The following TMC8 variants were observed in gnomAD, a reference collection of about 807,000 sequenced individuals.
The protein encoded by TMC8 is transmembrane channel like 8.
TMC8 carries 71 observed loss-of-function variants against 76.0 expected under a neutral mutation model. The ratio of observed to expected loss-of-function variants is 0.93; its 90% CI spans 0.77 to 1.14. The LOEUF (loss-of-function observed/expected upper bound fraction) is 1.14. Ranked by LOEUF, TMC8 falls within the 50% of genes most tolerant of loss-of-function variation. TMC8 has a pLI of 0.00. For missense variants in TMC8, 924 were observed against 947.9 expected (o/e 0.97, Z 0.33); for synonymous variants, 433 against 433.8 (o/e 1.00, Z 0.02).
chr17:78,132,124 C>T, intron 3 of TMC8, 94 bp downstream of exon 3: 1 of 1,518,938 alleles, frequency 6.6e-7, no homozygotes. Context: ...CACCTGCCTT[C>T]ACCCGGGTCC....
Position 78,132,469 on chromosome 17 carries a change from T to C in TMC8, c.409T>C (p.Trp137Arg), listed in dbSNP as rs376724583. The change falls in exon 4 of 16, where the codon TGG becomes CGG. Residue 137 changes from tryptophan to arginine, a missense_variant. Transcript: ENST00000318430. ...TASFVLLPLV[W>R]LRPPDPGPTL... ...AAGCTTCGTGCTGCTGCCCCTGGTC[T>C]GGCTCCGCCCCCCTGACCCAGGCCC... is the stretch of plus-strand genomic sequence containing the variant. 2.2e-5 allele frequency: 36 copies of C among 1,611,976 alleles called. No homozygotes were observed. The highest frequency in any genetic ancestry group is 2.9e-5 in the Non-Finnish European group (34 of 1,179,470).
chr17:78,133,864 G>T lies in TMC8; in HGVS notation c.680G>T (p.Gly227Val). ...CTCCTGCCCCGCAGGATGGTGAAGGGGCTGCCGCAGAAGACTCTGCTGGGT... is the reference window on the plus strand; with the variant it reads ...CTCCTGCCCCGCAGGATGGTGAAGGTGCTGCCGCAGAAGACTCTGCTGGGT... ...FCGTLRRMVK[G>V]LPQKTLLGQG... Residue 227 changes from glycine to valine, a missense_variant, in exon 7 of 16, where the codon GGG becomes GTG. By Grantham distance (109) the Gly-to-Val change is moderately radical. Coordinates refer to ENST00000318430, the MANE Select transcript of TMC8 (RefSeq NM_152468.5). 6.2e-7 allele frequency: 1 copy of T among 1,613,252 alleles called. No homozygotes were observed. Among genetic ancestry groups the T allele is most frequent in the South Asian group, 1.1e-5 (1 of 91,090 alleles).
Position 78,138,095 on chromosome 17 carries a change from G to A in TMC8, c.1440G>A (p.Ala480=), listed in dbSNP as rs775427703. The A allele has an allele frequency of 4.8e-5, 78 of 1,613,880 alleles. No individual in the cohort carries two copies. The highest frequency in any genetic ancestry group is 1.8e-4 in the East Asian group (8 of 44,888). The part of the protein sequence containing the change: ...LVPKNVLDIV[A]GQTVTWMGLF... Reference sequence around the variant, plus strand: ...CCAAGAATGTGCTGGACATCGTGGCGGGGCAGACGGTCACCTGGATGGGCC... The same window carrying A: ...CCAAGAATGTGCTGGACATCGTGGCAGGGCAGACGGTCACCTGGATGGGCC... The change falls in exon 12 of 16, where the codon GCG becomes GCA. Residue 480 remains alanine, a synonymous_variant. Coordinates refer to ENST00000318430, the MANE Select transcript of TMC8 (RefSeq NM_152468.5).
At chr17:78,137,974 GGT>G in intron 11 of TMC8, 29 bp from the exon 12 acceptor site, 2 of 1,612,834 alleles carry the variant, frequency 1.2e-6, no homozygotes, top group Non-Finnish European at 1.7e-6. Context: ...TGTCTGGAGT[GGT>G]GAGTACCTGG....
rs751393451 is a variant in TMC8 at position 78,133,392 on chromosome 17, G to T, written c.532-14G>T. ...GTGCTCACCCGGGCTGGGTATCTTC[G>T]TCGCTGTCCCCAGGCCTTCACCAAC... is the stretch of plus-strand genomic sequence containing the variant. On this transcript the variant is annotated splice_polypyrimidine_tract_variant and intron_variant, in intron 5 of 15. Transcript: ENST00000318430. 1 of 1,613,670 alleles carries T rather than the reference G, an allele frequency of 6.2e-7. No individual in the cohort carries two copies. Among genetic ancestry groups the T allele is most frequent in the South Asian group, 1.1e-5 (1 of 91,082 alleles).
Position 78,133,403 on chromosome 17 carries a change from CA to C in TMC8, c.532-2del. On this transcript the variant is annotated splice_acceptor_variant, in intron 5 of 15. Coordinates refer to ENST00000318430, the MANE Select transcript of TMC8 (RefSeq NM_152468.5). LOFTEE classifies it high-confidence loss of function. Reference sequence around the variant, plus strand: ...GGCTGGGTATCTTCGTCGCTGTCCCCAGGCCTTCACCAACACCTATCTCTTC... The same window carrying C: ...GGCTGGGTATCTTCGTCGCTGTCCCCGGCCTTCACCAACACCTATCTCTTC... 1 of 1,613,798 alleles carries C rather than the reference CA, an allele frequency of 6.2e-7. No individual in the cohort carries two copies. The highest frequency in any genetic ancestry group is 8.5e-7 in the Non-Finnish European group (1 of 1,180,028).
chr17:78,132,140 C>T, intron 3 of TMC8, 110 bp downstream of exon 3: 1 of 1,485,282 alleles, frequency 6.7e-7, no homozygotes, highest in Non-Finnish European at 9.1e-7. Context: ...GGTCCCCCGA[C>T]CAATCGGCCC....
chr17:78,135,079 G>A, intron 9 of TMC8, 70 bp downstream of exon 9: 1 of 1,602,764 alleles, frequency 6.2e-7, no homozygotes, highest in Non-Finnish European at 8.5e-7. Context: ...TCTTTTGGTT[G>A]TCACCTGGCA....
At position 78,138,652 on chromosome 17, in the gene TMC8, T is replaced by C; in HGVS notation, c.1743T>C (p.Leu581=). The change falls in exon 14 of 16, where the codon CTT becomes CTC. Residue 581 remains leucine (L), a synonymous_variant. Transcript: ENST00000318430. The stretch of plus-strand genomic sequence containing the variant: ...AAGTGGTCCCGGAGCTGGTGGCCCT[T>C]GGGCTCCCGCCCATTGGCCAGCGTG... ...PWQVVPELVA[L]GLPPIGQRAL... is the part of the protein sequence containing the mutation. 6.2e-7 allele frequency: 1 copy of C among 1,613,858 alleles called. No homozygotes were observed. The highest frequency in any genetic ancestry group is 1.3e-5 in the African/African-American group (1 of 75,072).
chr17:78,132,646 C>G, intron 4 of TMC8, 138 bp downstream of exon 4: 3 of 1,491,270 alleles, frequency 2.0e-6, no homozygotes, highest in Non-Finnish European at 2.8e-6. Flanking sequence ...TCCCTGACCT[C>G]GCCTTGTGTG....
At chr17:78,138,947 G>A in intron 14 of TMC8, 1 of 1,536,996 alleles carries the variant, frequency 6.5e-7, no homozygotes, top group Non-Finnish European at 8.7e-7. Context: ...CTGGGTGGCT[G>A]CAGCTGCTGA....
chr17:78,134,809 G>C, intron 8 of TMC8, 61 bp from the exon 9 acceptor site: 1 of 1,608,144 alleles, frequency 6.2e-7, no homozygotes, highest in Non-Finnish European at 8.5e-7. Flanking sequence ...CACTGTGGGG[G>C]GCGGGGAGCA....
chr17:78,133,289 C>CG (rs2075092309), intron 5 of TMC8, 117 bp from the exon 6 acceptor site: 1 of 1,534,448 alleles, frequency 6.5e-7, no homozygotes, highest in South Asian at 1.1e-5. Context: ...CCTTGTAAGA[C>CG]GGGACACTCC....
At position 78,142,682 on chromosome 17, in the gene TMC8, G is replaced by A. The variant is rs1032570235; in HGVS notation, c.*1570G>A. The stretch of plus-strand genomic sequence containing the variant: ...TGAAAGTGACTCATGTTGTTAATTA[G>A]CGGCTTAGGGCCAAAGGTGGCCCCT... On this transcript the variant is annotated 3_prime_UTR_variant, in exon 16 of 16. Coordinates refer to ENST00000318430, the MANE Select transcript of TMC8 (RefSeq NM_152468.5). 2.6e-5 allele frequency: 4 copies of A among 152,278 alleles called. No homozygotes were observed. The highest frequency in any genetic ancestry group is 4.8e-5 in the African/African-American group (2 of 41,470). The allele number at this position is 152,278 out of a possible 1,614,324, so 9.4% of individuals were successfully genotyped here.
At chr17:78,134,354 C>A in intron 7 of TMC8, 40 bp from the exon 8 acceptor site, 1 of 1,601,962 alleles carries the variant, frequency 6.2e-7, no homozygotes, top group Non-Finnish European at 8.5e-7. Flanking sequence ...CCCATGCCCA[C>A]CCCGCCTGCA....
chr17:78,137,181 AGCCCGGT>A, intron 9 of TMC8, 47 bp from the exon 10 acceptor site: 1 of 1,609,610 alleles, frequency 6.2e-7, no homozygotes, highest in South Asian at 1.1e-5. Context: ...GCCTGGGTAG[AGCCCGGT>A]GCCCATGTGC....
chr17:78,139,208 G>A lies in TMC8; in HGVS notation c.1870G>A (p.Ala624Thr). ...CTCCCAGACCCAGGCCAATGCCAGG[G>A]CCATCCACAGGCTCCGGAAGCAGCT... ...CVSQTQANAR[A>T]IHRLRKQLVW... Residue 624 changes from alanine (A) to threonine (T), a missense_variant, in exon 15 of 16, where the codon GCC (alanine) becomes ACC (threonine). Coordinates refer to ENST00000318430, the MANE Select transcript of TMC8 (RefSeq NM_152468.5). 6.2e-7 allele frequency: 1 copy of A among 1,613,588 alleles called. No individual in the cohort carries two copies. The highest frequency in any genetic ancestry group is 8.5e-7 in the Non-Finnish European group (1 of 1,180,028).
intron 14 of TMC8, 155 bp from the exon 15 acceptor site, chr17:78,139,007 G>C: frequency 6.4e-7 from 1 of 1,567,254 alleles, no homozygotes; most frequent in Non-Finnish European, 8.6e-7. Flanking sequence ...GCTCTGCGAG[G>C]AAGGAGAGGA....
Position 78,131,577 on chromosome 17 carries a change from G to C in TMC8, c.-12G>C. 6.5e-7 allele frequency: 1 copy of C among 1,542,632 alleles called. No individual in the cohort carries two copies. Among genetic ancestry groups the C allele is most frequent in the South Asian group, 1.2e-5 (1 of 83,956 alleles). On this transcript the variant is annotated 5_prime_UTR_variant, in exon 2 of 16. Coordinates refer to ENST00000318430, the MANE Select transcript of TMC8 (RefSeq NM_152468.5). ...CAGCCCGGCGCCCCAGCCTCTACCC[G>C]TGCCCGCCGAGATGCTGCTGCCGCG... is the stretch of plus-strand genomic sequence containing the variant.
Sources: gnomAD v4.1 joint callset for allele counts on GRCh38, gnomAD v4.1.1 for gene constraint, MANE v1.5 for transcripts, NCBI Gene and HGNC (gene_info 2026-07-23, HGNC 2026-07-21) for gene names.